SAMD9L: variants seen among roughly 807,000 people sequenced by gnomAD.
SAMD9L encodes sterile alpha motif domain-containing protein 9-like.
SAMD9L carries 68 observed loss-of-function variants against 90.7 expected under a neutral mutation model. That is an observed-to-expected ratio of 0.75 (90% CI 0.62 to 0.92). SAMD9L has a LOEUF of 0.92. Ranked by LOEUF, SAMD9L falls within the 40% of genes least tolerant of loss-of-function variation. The probability of loss-of-function intolerance (pLI) is 0.00; values close to 1 mark genes in which losing one functional copy is unlikely to be tolerated. For synonymous variants in SAMD9L, 640 were observed against 630.1 expected (o/e 1.02, Z -0.23); for missense variants, 1,604 against 1,824.3 (o/e 0.88, Z 2.20).
chr7:93,137,129 A>C (rs542159773), intron 4 of SAMD9L, among the ~76,000 whole-genome samples: 1 of 152,360 alleles, frequency 6.6e-6, no homozygotes. Context: ...ACACTAAACT[A>C]TAAAAAGATA....
chr7:93,131,397 T>C lies in SAMD9L; in HGVS notation c.4575A>G (p.Leu1525=), dbSNP rs1415566358. ...TTAGCTTGCCTTCAGCCTGACCAGT[T>C]AGACGACGCAGGAGGTCTTTGACTT... ...KNEVKDLLRR[L]TGQAEGKLIS... is the part of the protein sequence containing the mutation. The change falls in exon 5 of 5, where the codon CTA becomes CTG. Residue 1525 remains leucine, a synonymous_variant. Coordinates refer to ENST00000318238, the MANE Select transcript of SAMD9L (RefSeq NM_152703.5). The C allele has an allele frequency of 1.9e-6, 3 of 1,613,738 alleles. No homozygotes were observed. Among genetic ancestry groups the C allele is most frequent in the Non-Finnish European group, 2.5e-6 (3 of 1,179,822 alleles).
At chr7:93,145,156 A>C (rs1353598908) in intron 3 of SAMD9L, among the ~76,000 whole-genome samples, 1 of 152,190 alleles carries the variant, frequency 6.6e-6, no homozygotes, top group African/African-American at 2.4e-5. Flanking sequence ...TGCTTGCTGG[A>C]AAGTTTCTTG....
intron 4 of SAMD9L, among the ~76,000 whole-genome samples, chr7:93,140,651 A>C (rs1239932890): frequency 3.3e-5 from 5 of 152,014 alleles, no homozygotes; most frequent in Admixed American, 3.3e-4. Flanking sequence ...GCTTCTCCAA[A>C]CTCCTGAAAC....
In SAMD9L at chr7:93,148,286, G is replaced by A. The variant is rs1792971561; in HGVS notation, c.-1135C>T. On this transcript the variant is annotated 5_prime_UTR_variant, in exon 1 of 5. Transcript: ENST00000318238. ...GTCTCATTCCTCTTCTGATGGCTAG[G>A]AGACATGAAGTGTAAGGATCCTTTT... 6.6e-6 allele frequency: 1 copy of A among 152,154 alleles called. No individual in the cohort carries two copies. The highest frequency in any genetic ancestry group is 2.4e-5 in the African/African-American group (1 of 41,422). 9.4% of individuals were successfully genotyped at this position (152,154 alleles called of 1,614,324 possible). A position where few individuals can be genotyped will look rare whatever the true frequency, so the allele number is the denominator to read the frequency against.
In SAMD9L at chr7:93,134,976, T is replaced by C. The variant is rs1332774536; in HGVS notation, c.996A>G (p.Ile332Met). 1.2e-6 allele frequency: 2 copies of C among 1,613,218 alleles called. No homozygotes were observed. The highest frequency in any genetic ancestry group is 2.7e-5 in the African/African-American group (2 of 74,912). ...GTGAAAGATTTTGGTTTTGTTTCCATATTTTATCTTTACAAATTTGCATCT... is the reference window on the plus strand; with the variant it reads ...GTGAAAGATTTTGGTTTTGTTTCCACATTTTATCTTTACAAATTTGCATCT... Reference protein sequence around the residue: ...YIQMQICKDKIWKQNQNLSLF... With the variant: ...YIQMQICKDKMWKQNQNLSLF... Residue 332 changes from isoleucine (I) to methionine (M), a missense_variant, in exon 5 of 5, where the codon ATA (isoleucine) becomes ATG (methionine). Around this residue, in one of 7 missense-constraint regions of SAMD9L, gnomAD observed 374 missense variants for 363.6 expected, o/e 1.03. Transcript: ENST00000318238.
At chr7:93,136,261 T>G (rs944710597) in intron 4 of SAMD9L, among the ~76,000 whole-genome samples, 1 of 152,152 alleles carries the variant, frequency 6.6e-6, no homozygotes, top group African/African-American at 2.4e-5. Context: ...TAATTCTCCC[T>G]TTTAGCTTAA....
chr7:93,146,434 A>T (rs1475422159), intron 2 of SAMD9L, among the ~76,000 whole-genome samples: 1 of 152,210 alleles, frequency 6.6e-6, no homozygotes, highest in Non-Finnish European at 1.5e-5. Context: ...TACAAGCAGC[A>T]AATATTTTAT....
At chr7:93,136,050 A>G in intron 4 of SAMD9L, 59 bp from the exon 5 acceptor site, 1 of 1,135,374 alleles carries the variant, frequency 8.8e-7, no homozygotes, top group Admixed American at 2.8e-5. Flanking sequence ...AAAATCACAT[A>G]GACAATTATG....
At position 93,134,996 on chromosome 7, in the gene SAMD9L, G is replaced by A. The variant is rs1792357159; in HGVS notation, c.976C>T (p.Gln326Ter). 6.2e-7 allele frequency: 1 copy of A among 1,612,762 alleles called. No individual in the cohort carries two copies. The highest frequency in any genetic ancestry group is 8.5e-7 in the Non-Finnish European group (1 of 1,178,970). ...TTCCATATTTTATCTTTACAAATTT[G>A]CATCTGAATGTAGAAATACTTATCA... Reference protein sequence around the residue: ...CNDKYFYIQMQICKDKIWKQN... With the variant: ...CNDKYFYIQM Residue 326 changes from glutamine (Q) to a stop codon, truncating the protein, a stop_gained, in exon 5 of 5, where the codon CAA becomes TAA. Coordinates refer to ENST00000318238, the MANE Select transcript of SAMD9L (RefSeq NM_152703.5). LOFTEE classifies it low-confidence loss of function (END_TRUNC).
At chr7:93,137,267 A>C (rs1405524183) in intron 4 of SAMD9L, among the ~76,000 whole-genome samples, 2 of 152,188 alleles carry the variant, frequency 1.3e-5, no homozygotes, top group Non-Finnish European at 2.9e-5. Flanking sequence ...GCAAAGCTTC[A>C]TCTGTATTTA....
At chr7:93,144,034 C>T (rs1182555189) in intron 4 of SAMD9L, among the ~76,000 whole-genome samples, 3 of 152,184 alleles carry the variant, frequency 2.0e-5, no homozygotes, top group Non-Finnish European at 2.9e-5. Context: ...AATTATGTCT[C>T]CTCTCAGTGA....
chr7:93,137,128 T>C (rs946659764), intron 4 of SAMD9L, among the ~76,000 whole-genome samples: 2 of 151,926 alleles, frequency 1.3e-5, no homozygotes, highest in Admixed American at 1.3e-4. Context: ...AACACTAAAC[T>C]ATAAAAAGAT....
At position 93,135,235 on chromosome 7, in the gene SAMD9L, T is replaced by C; in HGVS notation, c.737A>G (p.His246Arg). ...TIHFGVKDKP[H>R]GEIVGVKITS... ...GATTTTCACACCAACAATTTCTCCA[T>C]GGGGTTTGTCCTTGACTCCAAAATG... Residue 246 changes from histidine (H) to arginine (R), a missense_variant, in exon 5 of 5, where the codon CAT becomes CGT. By Grantham distance (29) the His-to-Arg change is conservative (BLOSUM62 0). Coordinates refer to ENST00000318238, the MANE Select transcript of SAMD9L (RefSeq NM_152703.5). 6.2e-7 allele frequency: 1 copy of C among 1,614,076 alleles called. No individual in the cohort carries two copies. Among genetic ancestry groups the C allele is most frequent in the Middle Eastern group, 1.7e-4 (1 of 6,060 alleles).
chr7:93,143,193 C>T (rs1221214603), intron 4 of SAMD9L, among the ~76,000 whole-genome samples: 2 of 152,196 alleles, frequency 1.3e-5, no homozygotes, highest in Non-Finnish European at 2.9e-5. Context: ...GGCATCTGTG[C>T]TCCTCAAGCC....
In SAMD9L at chr7:93,134,880, C is replaced by T; in HGVS notation, c.1092G>A (p.Lys364=). 1 of 1,613,892 alleles carries T rather than the reference C, an allele frequency of 6.2e-7. No homozygotes were observed. Among genetic ancestry groups the T allele is most frequent in the African/African-American group, 1.3e-5 (1 of 74,970 alleles). The change falls in exon 5 of 5, where the codon AAG becomes AAA. Residue 364 remains lysine, a synonymous_variant. Coordinates refer to ENST00000318238, the MANE Select transcript of SAMD9L (RefSeq NM_152703.5). ...ANSKQRDVDF[K]AFLQNLKSLV... ...GTGACTTTAAATTTTGTAAAAATGC[C>T]TTGAAATCTACATCCCGTTGCTTGG...
chr7:93,136,345 T>C (rs932904283), intron 4 of SAMD9L, among the ~76,000 whole-genome samples: 3 of 152,194 alleles, frequency 2.0e-5, no homozygotes, highest in Admixed American at 6.5e-5. Context: ...CCGTAGCATA[T>C]AGGAATATTG....
Position 93,130,705 on chromosome 7 carries a change from T to TGTGTGTGTG in SAMD9L, c.*511_*512insCACACACAC, listed in dbSNP as rs1792052309. 1 of 88,522 alleles carries TGTGTGTGTG rather than the reference T, an allele frequency of 1.1e-5. No homozygotes were observed. Among genetic ancestry groups the TGTGTGTGTG allele is most frequent in the South Asian group, 3.5e-4 (1 of 2,884 alleles). 5.5% of individuals were successfully genotyped at this position (88,522 alleles called of 1,614,324 possible). On this transcript the variant is annotated 3_prime_UTR_variant, in exon 5 of 5. Coordinates refer to ENST00000318238, the MANE Select transcript of SAMD9L (RefSeq NM_152703.5). The stretch of plus-strand genomic sequence containing the variant: ...TGTGTGTGTGTGTGTGTGTGTGTGT[T>TGTGTGTGTG]GGGGAGAGTGTTATGTGGTGGATGG...
At position 93,144,842 on chromosome 7, in the gene SAMD9L, G is replaced by T. The variant is rs572421854; in HGVS notation, c.-122-9C>A. On this transcript the variant is annotated splice_polypyrimidine_tract_variant and intron_variant, in intron 3 of 4. Transcript: ENST00000318238. Reference sequence around the variant, plus strand: ...TCTGATCCTCTGTGTAGCTGAAATCGCAAAGCAAAAGTTAGTTTTATTTTC... The same window carrying T: ...TCTGATCCTCTGTGTAGCTGAAATCTCAAAGCAAAAGTTAGTTTTATTTTC... The T allele has an allele frequency of 1.3e-5, 2 of 152,216 alleles. No homozygotes were observed. The highest frequency in any genetic ancestry group is 2.9e-5 in the Non-Finnish European group (2 of 68,044). The allele number at this position is 152,216 out of a possible 1,614,324, so 9.4% of individuals were successfully genotyped here. A position where few individuals can be genotyped will look rare whatever the true frequency, so the allele number is the denominator to read the frequency against.
At chr7:93,137,507 C>T (rs1031744543) in intron 4 of SAMD9L, among the ~76,000 whole-genome samples, 3 of 151,924 alleles carry the variant, frequency 2.0e-5, no homozygotes, top group Non-Finnish European at 1.5e-5. Context: ...CCCACTGAGT[C>T]TACATTATGG....
Sources: allele counts gnomAD v4.1 joint callset (sites outside exome capture counted in the v4.1 genomes callset), GRCh38; gene constraint gnomAD v4.1.1; regional missense constraint gnomAD v4.1.1; transcripts MANE v1.5; gene names NCBI Gene and HGNC (gene_info 2026-07-23, HGNC 2026-07-21).